The following LINGO2 variants were observed in gnomAD, a reference collection of about 807,000 sequenced individuals.
LINGO2 encodes leucine rich repeat and Ig domain containing 2.
Under a neutral mutation model 30.6 loss-of-function variants are expected in LINGO2, and 14 were observed. That is an observed-to-expected ratio of 0.46 (90% CI 0.30 to 0.72). LINGO2 has a LOEUF of 0.72. Ranked by LOEUF, LINGO2 falls within the 30% of genes least tolerant of loss-of-function variation. LINGO2 has a pLI of 0.07. For missense variants in LINGO2, 729 were observed against 751.7 expected (o/e 0.97, Z 0.35); for synonymous variants, 317 against 288.5 (o/e 1.10, Z -1.00).
the LINGO2 span, among the ~76,000 whole-genome samples, chr9:29,160,161 C>G: frequency 6.6e-6 from 1 of 152,196 alleles, no homozygotes; most frequent in Non-Finnish European, 1.5e-5. Flanking sequence ...GGAGATGAAG[C>G]TAAGGCAATT....
At chr9:29,088,523 G>C in the LINGO2 span, among the ~76,000 whole-genome samples, 2 of 152,086 alleles carry the variant, frequency 1.3e-5, no homozygotes, top group Admixed American at 1.3e-4. Context: ...TCTCTTCCAT[G>C]CCCAGTGATT....
At chr9:28,166,657 C>T (rs1339963694) in intron 4 of LINGO2, among the ~76,000 whole-genome samples, 1 of 151,684 alleles carries the variant, frequency 6.6e-6, no homozygotes, top group East Asian at 1.9e-4. Flanking sequence ...AGAACTTGTA[C>T]AAATGTCTAT....
chr9:29,130,547 A>C, the LINGO2 span, among the ~76,000 whole-genome samples: 1 of 152,296 alleles, frequency 6.6e-6, no homozygotes, highest in Admixed American at 6.5e-5. Flanking sequence ...TAATTCCCCC[A>C]GAGCAAAAAT....
chr9:28,798,057 C>G, the LINGO2 span, among the ~76,000 whole-genome samples: 1 of 152,060 alleles, frequency 6.6e-6, no homozygotes, highest in South Asian at 2.1e-4. Flanking sequence ...TTTATAAAAG[C>G]AGTTTTGGTT....
At chr9:28,056,072 G>A (rs1405850621) in intron 4 of LINGO2, among the ~76,000 whole-genome samples, 6 of 152,154 alleles carry the variant, frequency 3.9e-5, no homozygotes, top group Non-Finnish European at 5.9e-5. Flanking sequence ...AGAGAAAAAA[G>A]AAAGGAGCTC....
chr9:28,638,212 TC>T, intron 1 of LINGO2, among the ~76,000 whole-genome samples: 3 of 152,288 alleles, frequency 2.0e-5, no homozygotes, highest in Admixed American at 2.0e-4. Context: ...GCTGCTGGAT[TC>T]TTTTTGCCAG....
intron 4 of LINGO2, among the ~76,000 whole-genome samples, chr9:28,132,306 TAAA>T (rs1444898627): frequency 6.6e-6 from 1 of 151,944 alleles, no homozygotes; most frequent in Non-Finnish European, 1.5e-5. Flanking sequence ...TATAAATATA[TAAA>T]TTGAGTTATA....
At chr9:28,541,060 A>G (rs1821673320) in intron 1 of LINGO2, among the ~76,000 whole-genome samples, 1 of 152,212 alleles carries the variant, frequency 6.6e-6, no homozygotes, top group African/African-American at 2.4e-5. Flanking sequence ...TTAAAACAGA[A>G]AGGAACAATA....
At chr9:28,736,806 A>G in the LINGO2 span, among the ~76,000 whole-genome samples, 2 of 152,140 alleles carry the variant, frequency 1.3e-5, no homozygotes, top group African/African-American at 2.4e-5. Flanking sequence ...AAATACATAC[A>G]TACATATATA....
chr9:29,120,698 C>A, the LINGO2 span, among the ~76,000 whole-genome samples: 1 of 152,140 alleles, frequency 6.6e-6, no homozygotes, highest in Non-Finnish European at 1.5e-5. Context: ...CAAATCTGCA[C>A]TTCTAAGAAT....
chr9:28,922,641 A>C, the LINGO2 span, among the ~76,000 whole-genome samples: 1 of 152,242 alleles, frequency 6.6e-6, no homozygotes, highest in Non-Finnish European at 1.5e-5. Context: ...AAATAAGTGA[A>C]TGAATGAACA....
At chr9:28,417,771 G>A (rs531281239) in intron 2 of LINGO2, among the ~76,000 whole-genome samples, 2 of 152,228 alleles carry the variant, frequency 1.3e-5, no homozygotes, top group African/African-American at 4.8e-5. Flanking sequence ...ATACTATTAG[G>A]TTGTTTACAT....
At chr9:27,941,050 G>A in the LINGO2 span, 1 of 96,836 alleles carries the variant, frequency 1.0e-5, no homozygotes, top group African/African-American at 3.2e-5. Context: ...AAAGCCCACT[G>A]TTAGAGATGT....
At chr9:29,211,366 C>T in the LINGO2 span, among the ~76,000 whole-genome samples, 1 of 152,154 alleles carries the variant, frequency 6.6e-6, no homozygotes, top group African/African-American at 2.4e-5. Context: ...GTACACAGCA[C>T]AGATAATATC....
intron 3 of LINGO2, among the ~76,000 whole-genome samples, chr9:28,301,384 A>T (rs1020117647): frequency 1.3e-5 from 2 of 152,052 alleles, no homozygotes; most frequent in African/African-American, 2.4e-5. Context: ...AAACAAAAAA[A>T]ACAGAAACTT....
chr9:28,086,474 G>T (rs980565453), intron 4 of LINGO2, among the ~76,000 whole-genome samples: 4 of 151,954 alleles, frequency 2.6e-5, no homozygotes, highest in African/African-American at 7.2e-5. Flanking sequence ...TTCCTCATTT[G>T]AAACAAAGAA....
At chr9:28,978,235 T>C in the LINGO2 span, among the ~76,000 whole-genome samples, 1 of 152,178 alleles carries the variant, frequency 6.6e-6, no homozygotes, top group Non-Finnish European at 1.5e-5. Context: ...GAATGAGTTA[T>C]TAAGTTGAAT....
chr9:29,196,054 G>A, the LINGO2 span, among the ~76,000 whole-genome samples: 1 of 152,058 alleles, frequency 6.6e-6, no homozygotes, highest in Non-Finnish European at 1.5e-5. Context: ...GAAGGAAAAT[G>A]TTTGATACTT....
At chr9:29,117,772 A>C in the LINGO2 span, among the ~76,000 whole-genome samples, 6 of 152,182 alleles carry the variant, frequency 3.9e-5, no homozygotes, top group African/African-American at 1.4e-4. Flanking sequence ...TAATGAAGCT[A>C]AGTTAGTACT....
Sources: gnomAD v4.1 joint callset for allele counts (sites outside exome capture counted in the v4.1 genomes callset) on GRCh38, gnomAD v4.1.1 for gene constraint, MANE v1.5 for transcripts, NCBI Gene and HGNC (gene_info 2026-07-23, HGNC 2026-07-21) for gene names.